Variants in ERBB4 observed in about 807,000 individuals in gnomAD.
ERBB4 encodes receptor tyrosine-protein kinase erbB-4.
In ERBB4, 42 loss-of-function variants were observed where a neutral mutation model predicts 158.0. The ratio of observed to expected loss-of-function variants is 0.27; its 90% CI spans 0.21 to 0.34. The LOEUF (loss-of-function observed/expected upper bound fraction) is 0.34. ERBB4 is among the 10% of genes least tolerant of loss of function. The pLI is 1.00. For missense variants in ERBB4, 1,333 were observed against 1,624.1 expected (o/e 0.82, Z 3.08); for synonymous variants, 583 against 558.7 (o/e 1.04, Z -0.61).
At chr2:211,417,464 A>G (rs1450935458) in intron 25 of ERBB4, among the ~76,000 whole-genome samples, 3 of 152,162 alleles carry the variant, frequency 2.0e-5, no homozygotes, top group Non-Finnish European at 4.4e-5. Flanking sequence ...ACAGAGTGAG[A>G]TCCTGTCTCA....
rs537955178 is a variant in ERBB4 at position 212,423,175 on chromosome 2, C to CA, written c.82+115273dup. Among the ~76,000 whole-genome samples the CA allele has an allele frequency of 2.4e-3, 360 of 147,380 alleles. 1 individual carries two copies. Among genetic ancestry groups the CA allele is most frequent in the Middle Eastern group, 0.014 (4 of 288 alleles). Reference sequence around the variant, plus strand: ...ATAGGGTTTAGGTAAGTGAAGGGGGCAAAAAAAAATGCAATTATAAGCAAA... The same window carrying CA: ...ATAGGGTTTAGGTAAGTGAAGGGGGCAAAAAAAAAATGCAATTATAAGCAAA... On this transcript the variant is annotated intron_variant, in intron 1 of 27. Coordinates refer to ENST00000342788, the MANE Select transcript of ERBB4 (RefSeq NM_005235.3).
At chr2:212,497,992 G>A (rs190474007) in intron 1 of ERBB4, among the ~76,000 whole-genome samples, 11 of 152,140 alleles carry the variant, frequency 7.2e-5, no homozygotes, top group African/African-American at 2.6e-4. Flanking sequence ...CCTTTAGATA[G>A]GACCAGCACT....
At chr2:211,467,783 T>C (rs943436701) in intron 20 of ERBB4, among the ~76,000 whole-genome samples, 4 of 152,288 alleles carry the variant, frequency 2.6e-5, no homozygotes, top group South Asian at 4.1e-4. Flanking sequence ...TGTAAATCCA[T>C]GTCTCCTTCT....
chr2:212,359,191 T>C (rs1327642687), intron 1 of ERBB4, among the ~76,000 whole-genome samples: 2 of 151,742 alleles, frequency 1.3e-5, no homozygotes, highest in South Asian at 2.1e-4. Context: ...TCTTATTAAA[T>C]ACTATTGTAT....
chr2:212,282,384 GCA>G, intron 1 of ERBB4, among the ~76,000 whole-genome samples: 1 of 152,004 alleles, frequency 6.6e-6, no homozygotes, highest in African/African-American at 2.4e-5. Context: ...ACTCTGGAAA[GCA>G]CTTTTTAAAA....
At chr2:211,685,701 C>T (rs1418346926) in intron 12 of ERBB4, among the ~76,000 whole-genome samples, 1 of 152,072 alleles carries the variant, frequency 6.6e-6, no homozygotes, top group Non-Finnish European at 1.5e-5. Context: ...AGCTGTATAT[C>T]AGTTTAGGGA....
At chr2:212,090,628 C>T (rs1368513705) in intron 2 of ERBB4, among the ~76,000 whole-genome samples, 3 of 152,086 alleles carry the variant, frequency 2.0e-5, no homozygotes, top group Admixed American at 2.0e-4. Context: ...ATCCTAGATG[C>T]ATATTATAAT....
At chr2:211,568,691 GGAAAA>G (rs2067625299) in intron 19 of ERBB4, among the ~76,000 whole-genome samples, 1 of 152,020 alleles carries the variant, frequency 6.6e-6, no homozygotes, top group African/African-American at 2.4e-5. Flanking sequence ...GAGAGATAGA[GGAAAA>G]GAAAAGAGAC....
At chr2:212,341,915 A>G (rs1381228689) in intron 1 of ERBB4, among the ~76,000 whole-genome samples, 1 of 152,118 alleles carries the variant, frequency 6.6e-6, no homozygotes, top group Non-Finnish European at 1.5e-5. Flanking sequence ...AATAATCAAG[A>G]TTTTATTTTT....
chr2:211,580,812 AAT>A lies in ERBB4; in HGVS notation c.2302-18726_2302-18725del, dbSNP rs1553575877. Among the ~76,000 whole-genome samples, 58 of 48,272 alleles carry A rather than the reference AAT, an allele frequency of 1.2e-3. 3 individuals are homozygous for A. The highest frequency in any genetic ancestry group is 1.6e-3 in the Non-Finnish European group (48 of 29,298). 31.7% of individuals were successfully genotyped at this position (48,272 alleles called of 152,430 possible). ...GATATATATATATATATATATATAT[AAT>A]ATATATATATTATATATATAGATTA... is the stretch of plus-strand genomic sequence containing the variant. On this transcript the variant is annotated intron_variant, in intron 19 of 27. Transcript: ENST00000342788.
At chr2:211,888,348 T>C (rs1275088712) in intron 3 of ERBB4, among the ~76,000 whole-genome samples, 1 of 152,232 alleles carries the variant, frequency 6.6e-6, no homozygotes. Context: ...TTAAACATTA[T>C]ACTTATCAAC....
intron 1 of ERBB4, among the ~76,000 whole-genome samples, chr2:212,483,794 T>C (rs1689834306): frequency 1.3e-5 from 2 of 152,214 alleles, no homozygotes; most frequent in Non-Finnish European, 1.5e-5. Context: ...TGGAGTGCAG[T>C]GGCGCGATCT....
chr2:211,971,623 T>C (rs2081455346), intron 2 of ERBB4, among the ~76,000 whole-genome samples: 1 of 152,156 alleles, frequency 6.6e-6, no homozygotes, highest in Non-Finnish European at 1.5e-5. Context: ...CAGGTCAATA[T>C]TTTTGATGTT....
At chr2:212,247,393 A>G (rs2084349985) in intron 1 of ERBB4, among the ~76,000 whole-genome samples, 1 of 152,186 alleles carries the variant, frequency 6.6e-6, no homozygotes, top group Admixed American at 6.5e-5. Context: ...AACTATTAAT[A>G]TTTCAAAACT....
chr2:212,407,836 A>G (rs1019739311), intron 1 of ERBB4, among the ~76,000 whole-genome samples: 5 of 152,020 alleles, frequency 3.3e-5, no homozygotes, highest in African/African-American at 1.2e-4. Context: ...ATCAATGCAC[A>G]TAGACTTTAA....
chr2:212,476,524 C>T (rs1365498344), intron 1 of ERBB4, among the ~76,000 whole-genome samples: 1 of 152,082 alleles, frequency 6.6e-6, no homozygotes, highest in Non-Finnish European at 1.5e-5. Context: ...CTTCATATTG[C>T]ATTGAATGAA....
intron 1 of ERBB4, among the ~76,000 whole-genome samples, chr2:212,383,401 T>C (rs34623832): frequency 0.16 from 24,086 of 151,408 alleles, 2,193 homozygotes; most frequent in South Asian, 0.25. Flanking sequence ...AGTTTCCACT[T>C]ATCCGAAAGA....
rs376200174 is a variant in ERBB4 at position 211,725,087 on chromosome 2, T to C, written c.730A>G (p.Thr244Ala). The C allele has an allele frequency of 6.2e-6, 10 of 1,609,362 alleles. No individual in the cohort carries two copies. The highest frequency in any genetic ancestry group is 8.5e-6 in the Non-Finnish European group (10 of 1,175,710). The part of the protein sequence containing the change: ...CAGGCSGPKD[T>A]DCFACMNFND... Reference sequence around the variant, plus strand: ...AATCACAGACATACAAAGCAGTCTGTGTCCTTAGGTCCTGAGCAGCCTCCA... The same window carrying C: ...AATCACAGACATACAAAGCAGTCTGCGTCCTTAGGTCCTGAGCAGCCTCCA... Residue 244 changes from threonine to alanine, a missense_variant, in exon 6 of 28, where the codon ACA (threonine) becomes GCA (alanine). By Grantham distance (58) the Thr-to-Ala change is moderately conservative (BLOSUM62 0). Coordinates refer to ENST00000342788, the MANE Select transcript of ERBB4 (RefSeq NM_005235.3).
At chr2:211,833,668 C>T (rs1213055325) in intron 3 of ERBB4, among the ~76,000 whole-genome samples, 1 of 151,778 alleles carries the variant, frequency 6.6e-6, no homozygotes, top group Non-Finnish European at 1.5e-5. Flanking sequence ...ATGTTGGATT[C>T]TGTAAATATA....
Sources: gnomAD v4.1 joint callset for allele counts (sites outside exome capture counted in the v4.1 genomes callset) on GRCh38, gnomAD v4.1.1 for gene constraint, MANE v1.5 for transcripts, NCBI Gene and HGNC (gene_info 2026-07-23, HGNC 2026-07-21) for gene names.